CEP350: variants seen among roughly 807,000 people sequenced by gnomAD.
CEP350 encodes centrosome-associated protein 350.
A neutral mutation model predicts 331.8 loss-of-function variants in CEP350; 126 were observed. That is an observed-to-expected ratio of 0.38 (90% CI 0.33 to 0.44). The LOEUF is 0.44. Ranked by LOEUF, CEP350 falls within the 20% of genes least tolerant of loss-of-function variation. CEP350 has a pLI of 1.00. For synonymous variants in CEP350, 1,200 were observed against 1,259.5 expected (o/e 0.95, Z 1.00); for missense variants, 3,406 against 3,634.6 (o/e 0.94, Z 1.62).
chr1:180,065,783 T>C (rs538624394), intron 27 of CEP350, among the ~76,000 whole-genome samples: 1 of 151,930 alleles, frequency 6.6e-6, no homozygotes, highest in Non-Finnish European at 1.5e-5. Context: ...TATCTGCACA[T>C]GTACCCATAA....
In CEP350 at chr1:180,093,019, T is replaced by C. The variant is rs1386911763; in HGVS notation, c.6914T>C (p.Leu2305Ser). ...SEILSKKDLP[L>S]DSENVQKDLV... is the part of the protein sequence containing the mutation. ...ATTCTTTCAAAGAAAGATCTTCCTTTAGATTCTGAAAATGTTCAGAAAGAC... is the reference window on the plus strand; with the variant it reads ...ATTCTTTCAAAGAAAGATCTTCCTTCAGATTCTGAAAATGTTCAGAAAGAC... The change falls in exon 34 of 38, where the codon TTA (leucine) becomes TCA (serine). Residue 2305 changes from leucine to serine, a missense_variant. This residue lies in a region of CEP350 where 1,415 missense variants were observed against 1,512.3 expected (regional missense o/e 0.94). Coordinates refer to ENST00000367607, the MANE Select transcript of CEP350 (RefSeq NM_014810.5). 3.7e-6 allele frequency: 6 copies of C among 1,605,278 alleles called. No individual in the cohort carries two copies. In the East Asian group the frequency reaches 1.3e-4, roughly 36 times the overall value.
At chr1:180,006,329 C>T in intron 7 of CEP350, 125 bp from the exon 8 acceptor site, 1 of 612,300 alleles carries the variant, frequency 1.6e-6, no homozygotes. Context: ...TAGAAGTAGC[C>T]TCAGTGTAGG....
rs2148695325 is a variant in CEP350 at position 179,992,150 on chromosome 1, G to A, written c.324G>A (p.Arg108=). ...AAGAGAAATCTCGTAGTCCTCTCAG[G>A]GCCACCACCCTGGAGAGTAATGTGA... ...SRKEKSRSPL[R]ATTLESNVKK... Residue 108 remains arginine, a synonymous_variant, in exon 5 of 38, where the codon AGG becomes AGA. Coordinates refer to ENST00000367607, the MANE Select transcript of CEP350 (RefSeq NM_014810.5). 1.3e-6 allele frequency: 2 copies of A among 1,541,748 alleles called. No homozygotes were observed. Among genetic ancestry groups the A allele is most frequent in the Admixed American group, 2.2e-5 (1 of 45,708 alleles).
chr1:179,969,170 G>T lies in CEP350; in HGVS notation c.-14+14028G>T, dbSNP rs539324. On this transcript the variant is annotated intron_variant, in intron 1 of 37. Transcript: ENST00000367607. ...GGGTTTGATATGGTGGGTGCTGGCC[G>T]GGGAAGTTCTGTGTGTGTGTGCCAC... 377 of 602,396 alleles carry T rather than the reference G, an allele frequency of 6.3e-4. 7 individuals are homozygous for T. Among genetic ancestry groups the T allele is most frequent in the South Asian group, 5.6e-3 (365 of 65,566 alleles). 37.3% of individuals were successfully genotyped at this position (602,396 alleles called of 1,614,324 possible).
intron 27 of CEP350, among the ~76,000 whole-genome samples, chr1:180,069,859 G>C (rs1334759103): frequency 1.3e-5 from 2 of 152,106 alleles, no homozygotes; most frequent in African/African-American, 4.8e-5. Context: ...ATGATTTAAG[G>C]TACTAAGTTT....
At position 180,031,448 on chromosome 1, in the gene CEP350, C is replaced by A. The variant is rs761507372; in HGVS notation, c.3679C>A (p.Leu1227Ile). 3.8e-6 allele frequency: 6 copies of A among 1,590,698 alleles called. No individual in the cohort carries two copies. Among genetic ancestry groups the A allele is most frequent in the African/African-American group, 2.7e-5 (2 of 73,946 alleles). Residue 1227 changes from leucine to isoleucine, a missense_variant, in exon 15 of 38, where the codon CTT becomes ATT. This residue lies in a region of CEP350 where 1,857 missense variants were observed against 1,909.2 expected (regional missense o/e 0.97). Coordinates refer to ENST00000367607, the MANE Select transcript of CEP350 (RefSeq NM_014810.5). The stretch of plus-strand genomic sequence containing the variant: ...TTCTGTTAAAGATTTTGAGCAGACT[C>A]TTGATACAGATAGCACTTTGGAGGA... The part of the protein sequence containing the change: ...KLSVKDFEQT[L>I]DTDSTLEDLS...
intron 17 of CEP350, 81 bp downstream of exon 17, chr1:180,037,170 A>G: frequency 7.8e-7 from 1 of 1,275,160 alleles, no homozygotes; most frequent in Non-Finnish European, 1.0e-6. Context: ...GACTTAAACT[A>G]CTGTGTCAAA....
At chr1:179,971,307 G>T (rs926182519) in intron 1 of CEP350, among the ~76,000 whole-genome samples, 2 of 152,000 alleles carry the variant, frequency 1.3e-5, no homozygotes, top group Non-Finnish European at 2.9e-5. Context: ...GAGATTATAG[G>T]CGTGAGCCAC....
intron 1 of CEP350, among the ~76,000 whole-genome samples, chr1:179,958,854 T>TA (rs1259103462): frequency 1.3e-5 from 2 of 152,188 alleles, no homozygotes; most frequent in Non-Finnish European, 2.9e-5. Context: ...ATGATTTATT[T>TA]AAAAAACACA....
chr1:180,110,072 G>A (rs1170797334), intron 37 of CEP350, among the ~76,000 whole-genome samples: 1 of 152,040 alleles, frequency 6.6e-6, no homozygotes, highest in Non-Finnish European at 1.5e-5. Context: ...AAATAGTATT[G>A]TATTAATATA....
rs1558156347 is a variant in CEP350, at chr1:180,094,369, C to T, written c.8264C>T (p.Thr2755Ile). Residue 2755 changes from threonine to isoleucine, a missense_variant, in exon 34 of 38, where the codon ACA (threonine) becomes ATA (isoleucine). Thr to Ile is a moderately conservative substitution (Grantham distance 89). Coordinates refer to ENST00000367607, the MANE Select transcript of CEP350 (RefSeq NM_014810.5). Reference sequence around the variant, plus strand: ...CAACTGGAAAAAATCAGCTTACTGACAGACAGTTTACTAAAAGTCTTTGTA... The same window carrying T: ...CAACTGGAAAAAATCAGCTTACTGATAGACAGTTTACTAAAAGTCTTTGTA... ...KQQLEKISLL[T>I]DSLLKVFVKD... 2 of 1,613,856 alleles carry T rather than the reference C, an allele frequency of 1.2e-6. No individual in the cohort carries two copies. Among genetic ancestry groups the T allele is most frequent in the South Asian group, 2.2e-5 (2 of 91,068 alleles).
intron 11 of CEP350, among the ~76,000 whole-genome samples, chr1:180,019,032 A>G (rs1360322344): frequency 6.6e-6 from 1 of 151,932 alleles, no homozygotes; most frequent in Non-Finnish European, 1.5e-5. Context: ...ATTTTTTGGT[A>G]TTTGTAGTAG....
chr1:180,078,658 C>T lies in CEP350; in HGVS notation c.5963C>T (p.Thr1988Ile). 9 of 1,606,350 alleles carry T rather than the reference C, an allele frequency of 5.6e-6. No individual in the cohort carries two copies. The highest frequency in any genetic ancestry group is 7.7e-6 in the Non-Finnish European group (9 of 1,176,022). ...TGTTCACAGGAACTAGAATCTTCTA[C>T]CTCTCCTAGTAAACATGTAAGTTAA... Reference protein sequence around the residue: ...MICSQELESSTSPSKHSLPKS... With the variant: ...MICSQELESSISPSKHSLPKS... Residue 1988 changes from threonine to isoleucine, a missense_variant, in exon 29 of 38, where the codon ACC becomes ATC. Physicochemically the swap from Thr to Ile is moderately conservative, Grantham distance 89. Transcript: ENST00000367607.
At chr1:180,022,974 GTGGAGATCCAGAGCATGGGCTC>G in intron 13 of CEP350, 126 bp downstream of exon 13, 2 of 811,066 alleles carry the variant, frequency 2.5e-6, no homozygotes, top group Non-Finnish European at 3.7e-6. Context: ...GCACATCATA[GTGGAGATCCAGAGCATGGGCTC>G]TGGATCCAGA....
intron 1 of CEP350, among the ~76,000 whole-genome samples, chr1:179,977,410 C>G (rs1651949061): frequency 6.6e-6 from 1 of 152,118 alleles, no homozygotes; most frequent in African/African-American, 2.4e-5. Context: ...ATACTGAGTT[C>G]AGGCTAGAGG....
intron 33 of CEP350, among the ~76,000 whole-genome samples, chr1:180,092,255 C>G (rs1302171592): frequency 6.6e-6 from 1 of 152,184 alleles, no homozygotes; most frequent in Non-Finnish European, 1.5e-5. Flanking sequence ...GTTTCTCCTT[C>G]ACTAGTTTCC....
chr1:180,077,538 A>C (rs994647202), intron 28 of CEP350, among the ~76,000 whole-genome samples: 2 of 151,872 alleles, frequency 1.3e-5, no homozygotes, highest in African/African-American at 4.8e-5. Context: ...ATGGTGGCGC[A>C]GGCCTGTAGT....
intron 25 of CEP350, among the ~76,000 whole-genome samples, chr1:180,061,833 CATT>C (rs1658247593): frequency 6.6e-6 from 1 of 152,110 alleles, no homozygotes; most frequent in African/African-American, 2.4e-5. Flanking sequence ...GATAGTAAAA[CATT>C]ATAGGGGCCT....
rs34365752 is a variant in CEP350, at chr1:180,084,642, G to A, written c.6285+464G>A. 8.7e-3 allele frequency among the ~76,000 whole-genome samples: 1,318 copies of A among 152,272 alleles called. 12 individuals carry two copies. The highest frequency in any genetic ancestry group is 0.012 in the Non-Finnish European group (842 of 68,012). On this transcript the variant is annotated intron_variant, in intron 31 of 37. Transcript: ENST00000367607. ...GCCTCCCAAAGTGCTAGGATTACAG[G>A]TGTGAGCCACTGCGCCCAGCCAAAA...
Sources: allele counts gnomAD v4.1 joint callset (sites outside exome capture counted in the v4.1 genomes callset), GRCh38; gene constraint gnomAD v4.1.1; regional missense constraint gnomAD v4.1.1; transcripts MANE v1.5; gene names NCBI Gene and HGNC (gene_info 2026-07-23, HGNC 2026-07-21).